CRISPLD2: variants seen among roughly 807,000 people sequenced by gnomAD.
CRISPLD2 encodes the protein cysteine-rich secretory protein LCCL domain-containing 2.
Under a neutral mutation model 71.1 loss-of-function variants are expected in CRISPLD2, and 47 were observed. That is an observed-to-expected ratio of 0.66 (90% CI 0.52 to 0.84). CRISPLD2 has a LOEUF of 0.84. Ranked by LOEUF, CRISPLD2 falls within the 40% of genes least tolerant of loss-of-function variation. The pLI is 0.00. For synonymous variants in CRISPLD2, 317 were observed against 250.1 expected, an observed-to-expected ratio of 1.27 and a Z score of -2.52; for missense variants, 830 against 651.1, an observed-to-expected ratio of 1.27 and a Z score of -2.99.
chr16:84,823,781 G>T (rs940706111), intron 1 of CRISPLD2, among the ~76,000 whole-genome samples: 2 of 152,078 alleles, frequency 1.3e-5, no homozygotes, highest in Non-Finnish European at 2.9e-5. Context: ...GAAAAAAAAC[G>T]TCCTGATGAG....
At chr16:84,879,713 T>C (rs2071552055) in intron 12 of CRISPLD2, among the ~76,000 whole-genome samples, 1 of 151,954 alleles carries the variant, frequency 6.6e-6, no homozygotes. Context: ...TACCCACTCA[T>C]TTCCCTTCCT....
At chr16:84,887,470 T>A (rs866674936) in intron 13 of CRISPLD2, among the ~76,000 whole-genome samples, 11 of 152,176 alleles carry the variant, frequency 7.2e-5, no homozygotes, top group Admixed American at 1.3e-4. Flanking sequence ...TTTTCATCTT[T>A]CCTTAAATTA....
At chr16:84,879,985 G>A (rs567238477) in intron 12 of CRISPLD2, among the ~76,000 whole-genome samples, 1 of 152,324 alleles carries the variant, frequency 6.6e-6, no homozygotes, top group South Asian at 2.1e-4. Context: ...TCATGCCCTG[G>A]AGGATCTGTG....
chr16:84,843,369 T>C (rs944460719), intron 2 of CRISPLD2, among the ~76,000 whole-genome samples: 1 of 152,238 alleles, frequency 6.6e-6, no homozygotes, highest in African/African-American at 2.4e-5. Flanking sequence ...CCCTGCCTGC[T>C]GTGGCTTCAA....
At chr16:84,841,907 T>C (rs373731095) in intron 2 of CRISPLD2, 1 of 152,776 alleles carries the variant, frequency 6.5e-6, no homozygotes, top group Admixed American at 6.5e-5. Flanking sequence ...GAAACACTTT[T>C]GCTGCTGTGC....
chr16:84,897,893 A>C (rs1418220154), intron 14 of CRISPLD2, among the ~76,000 whole-genome samples: 1 of 152,250 alleles, frequency 6.6e-6, no homozygotes, highest in South Asian at 2.1e-4. Flanking sequence ...CTGGGATTAC[A>C]GGCGTGAGCT....
At chr16:84,901,819 A>G (rs1342560697) in intron 14 of CRISPLD2, among the ~76,000 whole-genome samples, 3 of 104,452 alleles carry the variant, frequency 2.9e-5, no homozygotes, top group African/African-American at 4.0e-5. Flanking sequence ...TTTGATGCAG[A>G]GTCTCACTGT....
chr16:84,883,870 G>T (rs367673088), intron 13 of CRISPLD2, among the ~76,000 whole-genome samples: 1 of 146,582 alleles, frequency 6.8e-6, no homozygotes, highest in Non-Finnish European at 1.5e-5. Flanking sequence ...TTGAGACGGA[G>T]TCTTACTCTG....
intron 13 of CRISPLD2, among the ~76,000 whole-genome samples, chr16:84,885,568 C>T (rs1272320721): frequency 6.6e-6 from 1 of 152,146 alleles, no homozygotes; most frequent in Non-Finnish European, 1.5e-5. Flanking sequence ...TACCCGGGAC[C>T]CCGCTTTGGG....
At chr16:84,900,175 C>T (rs1255624496) in intron 14 of CRISPLD2, among the ~76,000 whole-genome samples, 3 of 152,066 alleles carry the variant, frequency 2.0e-5, no homozygotes, top group Non-Finnish European at 2.9e-5. Flanking sequence ...TCCATCTCTC[C>T]GAGTGCTCCC....
intron 12 of CRISPLD2, among the ~76,000 whole-genome samples, chr16:84,878,311 C>T (rs1597474716): frequency 6.6e-6 from 1 of 152,166 alleles, no homozygotes; most frequent in Non-Finnish European, 1.5e-5. Context: ...TTGTCAGCAC[C>T]GAATGTCATT....
chr16:84,899,860 A>T (rs1025326772), intron 14 of CRISPLD2, among the ~76,000 whole-genome samples: 3 of 152,170 alleles, frequency 2.0e-5, no homozygotes, highest in Non-Finnish European at 4.4e-5. Flanking sequence ...GCAGACCCAT[A>T]GTAAGTCAGG....
At chr16:84,833,217 G>A (rs577307314) in intron 1 of CRISPLD2, among the ~76,000 whole-genome samples, 1 of 152,284 alleles carries the variant, frequency 6.6e-6, no homozygotes, top group East Asian at 1.9e-4. Flanking sequence ...CCGTCGCTTT[G>A]ATTCGCCAGC....
chr16:84,871,985 A>G (rs954092267), intron 8 of CRISPLD2, among the ~76,000 whole-genome samples: 3 of 151,722 alleles, frequency 2.0e-5, no homozygotes, highest in South Asian at 2.1e-4. Context: ...GATCAAAAAT[A>G]TATTTCTTAA....
chr16:84,874,308 G>C (rs1477362305), intron 11 of CRISPLD2, among the ~76,000 whole-genome samples: 1 of 152,190 alleles, frequency 6.6e-6, no homozygotes, highest in Non-Finnish European at 1.5e-5. Flanking sequence ...TGTTAAGAAG[G>C]ATTCTGAGGC....
intron 6 of CRISPLD2, among the ~76,000 whole-genome samples, chr16:84,859,200 CTA>C (rs1261047527): frequency 6.6e-6 from 1 of 152,206 alleles, no homozygotes; most frequent in Admixed American, 6.5e-5. Flanking sequence ...CTAAGTATGT[CTA>C]TGCCAATTAT....
In CRISPLD2 at chr16:84,849,177, C is replaced by G. The variant is rs1274339665; in HGVS notation, c.360-208C>G. ...TATTCCCCCACCTCGGCCTCCCTCCCTCCTCGCTGCCCGTGGCTGCTCCTG... is the reference window on the plus strand; with the variant it reads ...TATTCCCCCACCTCGGCCTCCCTCCGTCCTCGCTGCCCGTGGCTGCTCCTG... On this transcript the variant is annotated intron_variant, in intron 3 of 14. Coordinates refer to ENST00000262424, the MANE Select transcript of CRISPLD2 (RefSeq NM_031476.4). 5.4e-6 allele frequency: 3 copies of G among 553,162 alleles called. No homozygotes were observed. In the South Asian group the frequency reaches 6.6e-5, roughly 12 times the overall value. 34.3% of individuals were successfully genotyped at this position (553,162 alleles called of 1,614,324 possible).
At chr16:84,838,387 T>A in intron 1 of CRISPLD2, 35 bp from the exon 2 acceptor site, 2 of 1,365,232 alleles carry the variant, frequency 1.5e-6, no homozygotes, top group Non-Finnish European at 2.0e-6. Flanking sequence ...CTCCTACTAA[T>A]GCGACTTCTC....
At chr16:84,886,416 C>G (rs1306399358) in intron 13 of CRISPLD2, among the ~76,000 whole-genome samples, 1 of 152,176 alleles carries the variant, frequency 6.6e-6, no homozygotes, top group African/African-American at 2.4e-5. Flanking sequence ...AGCTATGAGA[C>G]TGTGCCAGGG....
Sources: allele counts gnomAD v4.1 joint callset (sites outside exome capture counted in the v4.1 genomes callset), GRCh38; gene constraint gnomAD v4.1.1; transcripts MANE v1.5; gene names NCBI Gene and HGNC (gene_info 2026-07-23, HGNC 2026-07-21).